GCLC: variants seen among roughly 807,000 people sequenced by gnomAD.
GCLC encodes glutamate--cysteine ligase catalytic subunit.
A neutral mutation model predicts 81.5 loss-of-function variants in GCLC; 30 were observed. The ratio of observed to expected loss-of-function variants is 0.37; its 90% CI spans 0.28 to 0.50. GCLC has a LOEUF of 0.50. GCLC is among the 20% of genes least tolerant of loss of function. GCLC has a pLI of 0.96. For missense variants in GCLC, 556 were observed against 777.4 expected (o/e 0.72, Z 3.39); for synonymous variants, 262 against 273.3 (o/e 0.96, Z 0.41).
At position 53,544,752 on chromosome 6, in the gene GCLC, C is replaced by A. The variant is rs1763420999; in HGVS notation, c.-107G>T. 1 of 1,130,054 alleles carries A rather than the reference C, an allele frequency of 8.8e-7. No individual in the cohort carries two copies. The highest frequency in any genetic ancestry group is 2.8e-5 in the East Asian group (1 of 35,584). 70.0% of individuals were successfully genotyped at this position (1,130,054 alleles called of 1,614,324 possible). On this transcript the variant is annotated 5_prime_UTR_variant, in exon 1 of 16. Transcript: ENST00000650454. ...CGCAGAAGGCGGCTGCCGCTCCACC[C>A]CGCGGGGGCGCTCTCGGGCCGCAGT...
At chr6:53,522,565 C>CA in intron 1 of GCLC, 38 bp from the exon 2 acceptor site, 1 of 1,341,174 alleles carries the variant, frequency 7.5e-7, no homozygotes, top group East Asian at 2.3e-5. Context: ...AACATTCTTC[C>CA]AGACTTGTTT....
intron 2 of GCLC, among the ~76,000 whole-genome samples, chr6:53,521,537 G>A (rs547658731): frequency 1.3e-5 from 2 of 152,276 alleles, no homozygotes; most frequent in African/African-American, 4.8e-5. Flanking sequence ...AGAAGGAGAT[G>A]AGGCCTTAAG....
At chr6:53,526,615 G>A (rs977195077) in intron 1 of GCLC, among the ~76,000 whole-genome samples, 4 of 151,892 alleles carry the variant, frequency 2.6e-5, no homozygotes, top group East Asian at 1.9e-4. Context: ...TGGCTAACAC[G>A]GTGAAGCCCC....
Position 53,516,233 on chromosome 6 carries a change from T to G in GCLC, c.447-11A>C. The G allele has an allele frequency of 6.7e-7, 1 of 1,500,906 alleles. No homozygotes were observed. Among genetic ancestry groups the G allele is most frequent in the Non-Finnish European group, 9.3e-7 (1 of 1,076,734 alleles). 93.0% of individuals were successfully genotyped at this position (1,500,906 alleles called of 1,614,324 possible). A position where few individuals can be genotyped will look rare whatever the true frequency, so the allele number is the denominator to read the frequency against. On this transcript the variant is annotated splice_polypyrimidine_tract_variant and intron_variant, in intron 3 of 15. Transcript: ENST00000650454. Reference sequence around the variant, plus strand: ...CCAGGACAGCCTAATCTACAACAAATTGAAGAACTAAATAGATGGGATTTG... The same window carrying G: ...CCAGGACAGCCTAATCTACAACAAAGTGAAGAACTAAATAGATGGGATTTG...
intron 3 of GCLC, 94 bp from the exon 4 acceptor site, chr6:53,516,316 A>T (rs1169811723): frequency 1.3e-6 from 1 of 791,960 alleles, no homozygotes; most frequent in East Asian, 2.5e-5. Context: ...AAGACACCTC[A>T]TTTCTAGTAT....
intron 12 of GCLC, among the ~76,000 whole-genome samples, chr6:53,503,958 A>T (rs770981326): frequency 9.2e-5 from 14 of 152,174 alleles, no homozygotes; most frequent in Admixed American, 9.2e-4. Flanking sequence ...AAATAAGCAC[A>T]ATCTATAATA....
intron 12 of GCLC, 62 bp downstream of exon 12, chr6:53,505,330 A>T: frequency 1.3e-6 from 1 of 759,136 alleles, no homozygotes; most frequent in Non-Finnish European, 2.4e-6. Context: ...TAAATAGCAT[A>T]TATAAATAAA....
intron 1 of GCLC, among the ~76,000 whole-genome samples, chr6:53,533,736 T>A (rs1169426019): frequency 7.4e-5 from 2 of 27,128 alleles, no homozygotes; most frequent in South Asian, 1.0e-3. Flanking sequence ...TAGGGTTTTT[T>A]AATTAGTCTT....
intron 1 of GCLC, among the ~76,000 whole-genome samples, chr6:53,540,737 T>C (rs1381433140): frequency 2.0e-5 from 3 of 151,626 alleles, no homozygotes; most frequent in Non-Finnish European, 2.9e-5. Flanking sequence ...TAAATGTATG[T>C]CAACCCACTA....
intron 1 of GCLC, among the ~76,000 whole-genome samples, chr6:53,543,415 T>C (rs1438447121): frequency 2.0e-5 from 3 of 151,420 alleles, no homozygotes; most frequent in Non-Finnish European, 4.4e-5. Context: ...CACAATTTCT[T>C]CAGCTGTAGG....
At chr6:53,508,484 C>T in intron 8 of GCLC, 111 bp downstream of exon 8, 1 of 781,046 alleles carries the variant, frequency 1.3e-6, no homozygotes, top group South Asian at 1.4e-5. Context: ...AAATCTTTTT[C>T]CCCATTTCAG....
intron 6 of GCLC, chr6:53,513,979 C>A (rs1030906370): frequency 1.6e-5 from 9 of 568,346 alleles, no homozygotes; most frequent in Non-Finnish European, 2.5e-5. Flanking sequence ...GGTATATATA[C>A]CGTATATACC....
At chr6:53,503,137 C>A (rs1395427775) in intron 12 of GCLC, 2 of 152,168 alleles carry the variant, frequency 1.3e-5, no homozygotes, top group African/African-American at 2.4e-5. Context: ...TTGGGAGGAC[C>A]TCCTTTGGGA....
intron 4 of GCLC, 45 bp downstream of exon 4, chr6:53,516,064 G>A: frequency 9.4e-7 from 1 of 1,063,540 alleles, no homozygotes; most frequent in Non-Finnish European, 1.5e-6. Context: ...AGAAGTCAGG[G>A]GTCTAGTGAA....
intron 6 of GCLC, among the ~76,000 whole-genome samples, chr6:53,512,394 G>GT (rs1764771093): frequency 6.6e-6 from 1 of 150,820 alleles, no homozygotes; most frequent in African/African-American, 2.4e-5. Context: ...TTACTAAGCA[G>GT]TTTCTTTTTT....
intron 1 of GCLC, among the ~76,000 whole-genome samples, chr6:53,543,990 G>T (rs1211742243): frequency 6.6e-6 from 1 of 152,110 alleles, no homozygotes; most frequent in Non-Finnish European, 1.5e-5. Flanking sequence ...GGAGGGGAGG[G>T]AAGATGAGAA....
At position 53,520,841 on chromosome 6, in the gene GCLC, C is replaced by T. The variant is rs774839188; in HGVS notation, c.383G>A (p.Arg128Gln). 5.6e-6 allele frequency: 9 copies of T among 1,613,974 alleles called. No homozygotes were observed. Among genetic ancestry groups the T allele is most frequent in the South Asian group, 2.2e-5 (2 of 91,090 alleles). ...TTCTAATATAGAAGTAGCCTCCTTCCGGCGTTTTCGCATGTTGGCCTCAAC... is the reference window on the plus strand; with the variant it reads ...TTCTAATATAGAAGTAGCCTCCTTCTGGCGTTTTCGCATGTTGGCCTCAAC... ...NTVEANMRKR[R>Q]KEATSILEEN... The change falls in exon 3 of 16, where the codon CGG becomes CAG. Residue 128 changes from arginine (R) to glutamine (Q), a missense_variant. Arg to Gln is a conservative substitution (Grantham distance 43). Transcript: ENST00000650454.
intron 7 of GCLC, 132 bp from the exon 8 acceptor site, chr6:53,508,843 T>C (rs1219264784): frequency 1.4e-6 from 1 of 716,716 alleles, no homozygotes; most frequent in Non-Finnish European, 2.5e-6. Flanking sequence ...TACCTGTGCC[T>C]ATCTTACAGT....
intron 1 of GCLC, among the ~76,000 whole-genome samples, chr6:53,538,385 G>C (rs1409907763): frequency 6.7e-6 from 1 of 149,484 alleles, no homozygotes; most frequent in Non-Finnish European, 1.5e-5. Context: ...GGAGTGCAGT[G>C]GCGCGATCTA....
Sources: allele counts gnomAD v4.1 joint callset (sites outside exome capture counted in the v4.1 genomes callset), GRCh38; gene constraint gnomAD v4.1.1; transcripts MANE v1.5; gene names NCBI Gene and HGNC (gene_info 2026-07-23, HGNC 2026-07-21).